The following DENND3 variants were observed in gnomAD, a reference collection of about 807,000 sequenced individuals.
DENND3 encodes DENN domain containing 3.
Under a neutral mutation model 135.1 loss-of-function variants are expected in DENND3, and 88 were observed. The observed-to-expected ratio is 0.65, with a 90% confidence interval of 0.55 to 0.78. The LOEUF (loss-of-function observed/expected upper bound fraction) is 0.78. DENND3 is among the 30% of genes least tolerant of loss of function. DENND3 has a pLI of 0.00. For synonymous variants in DENND3, 693 were observed against 712.3 expected, an observed-to-expected ratio of 0.97 and a Z score of 0.43; for missense variants, 1,392 against 1,688.4, an observed-to-expected ratio of 0.82 and a Z score of 3.08.
At chr8:141,160,588 C>T (rs1394470986) in intron 8 of DENND3, 44 bp from the exon 9 acceptor site, 2 of 1,545,836 alleles carry the variant, frequency 1.3e-6, no homozygotes, top group East Asian at 4.6e-5. Flanking sequence ...CGGCCGTGGC[C>T]AGTGCTGCTG....
chr8:141,190,538 C>T (rs1424502212), intron 20 of DENND3, 121 bp downstream of exon 20: 1 of 1,371,832 alleles, frequency 7.3e-7, no homozygotes, highest in Non-Finnish European at 9.5e-7. Flanking sequence ...TTATTTTAAA[C>T]TCGGGTTCCC....
intron 22 of DENND3, 152 bp from the exon 23 acceptor site, chr8:141,193,881 C>G (rs1217125750): frequency 2.5e-6 from 2 of 806,830 alleles, no homozygotes; most frequent in Non-Finnish European, 3.9e-6. Flanking sequence ...GTGCACCTGC[C>G]AGGCGGCCCT....
At chr8:141,188,036 A>ACATCAGCCAGGTGTGGTGG in intron 18 of DENND3, among the ~76,000 whole-genome samples, 1 of 144,308 alleles carries the variant, frequency 6.9e-6, no homozygotes, top group South Asian at 2.3e-4. Context: ...AAACTGCCAA[A>ACATCAGCCAGGTGTGGTGG]CATCAGCCAG....
At chr8:141,129,555 C>T (rs1271216034) in intron 1 of DENND3, 5 of 152,130 alleles carry the variant, frequency 3.3e-5, no homozygotes, top group Non-Finnish European at 1.5e-5. Context: ...AATTCTGTAA[C>T]GCTGGCTTTC....
At position 141,175,466 on chromosome 8, in the gene DENND3, A is replaced by T; in HGVS notation, c.2535+7A>T. 1 of 1,614,174 alleles carries T rather than the reference A, an allele frequency of 6.2e-7. No individual in the cohort carries two copies. The highest frequency in any genetic ancestry group is 8.5e-7 in the Non-Finnish European group (1 of 1,180,020). ...CACCTTCAGAAATATAGAGGTAAGG[A>T]CAGCACAGGCAGACGGCGCCAGACC... On this transcript the variant is annotated splice_region_variant and intron_variant, in intron 14 of 22. Coordinates refer to ENST00000519811, the MANE Select transcript of DENND3 (RefSeq NM_001352890.3). This position sits in a 1 kb window ranked among gnomAD's most constrained non-coding sequence, Gnocchi z 5.4.
chr8:141,192,107 T>G, intron 20 of DENND3: 2 of 485,482 alleles, frequency 4.1e-6, no homozygotes, highest in African/African-American at 1.9e-5. Flanking sequence ...AAACTGCCCA[T>G]ATATTTACGT....
chr8:141,159,071 C>A (rs920262272), intron 8 of DENND3, among the ~76,000 whole-genome samples: 3 of 152,232 alleles, frequency 2.0e-5, no homozygotes, highest in Non-Finnish European at 4.4e-5. Context: ...TGAGACCCAT[C>A]TAGGCAAGGG....
Position 141,141,460 on chromosome 8 carries a change from G to A in DENND3, c.623+136G>A. 1 of 1,094,722 alleles carries A rather than the reference G, an allele frequency of 9.1e-7. No homozygotes were observed. Among genetic ancestry groups the A allele is most frequent in the Non-Finnish European group, 1.3e-6 (1 of 766,888 alleles). The allele number at this position is 1,094,722 out of a possible 1,614,324, so 67.8% of individuals were successfully genotyped here. ...CTCTCCTGGTGAGCCGGGGGACCGGGCGCTGGGGGCAGTAGGAGGGGCAGT... is the reference window on the plus strand; with the variant it reads ...CTCTCCTGGTGAGCCGGGGGACCGGACGCTGGGGGCAGTAGGAGGGGCAGT... On this transcript the variant is annotated intron_variant, in intron 4 of 22. Transcript: ENST00000519811. This position sits in a 1 kb window ranked among gnomAD's most constrained non-coding sequence, Gnocchi z 5.3.
chr8:141,165,925 G>T (rs1820731986), intron 11 of DENND3, among the ~76,000 whole-genome samples: 1 of 151,618 alleles, frequency 6.6e-6, no homozygotes, highest in South Asian at 2.1e-4. Context: ...TCTCTTCCTT[G>T]CTCTCTTCCT....
intron 17 of DENND3, 104 bp downstream of exon 17, chr8:141,180,958 C>A: frequency 2.2e-6 from 2 of 901,652 alleles, no homozygotes; most frequent in Non-Finnish European, 1.7e-6. Flanking sequence ...GCCAGTGTCA[C>A]GGGATAAGTG....
rs758716467 is a variant in DENND3, at chr8:141,190,259, G to A, written c.3246-25G>A. On this transcript the variant is annotated intron_variant, in intron 19 of 22. Transcript: ENST00000519811. ...GTTTTCAGGGGCCCAAGTTAAAGGTGTGTGTGTGTGTTTTGTGCCCCCAGC... is the reference window on the plus strand; with the variant it reads ...GTTTTCAGGGGCCCAAGTTAAAGGTATGTGTGTGTGTTTTGTGCCCCCAGC... The A allele has an allele frequency of 1.1e-5, 17 of 1,561,876 alleles. 1 individual carries two copies. The South Asian group carries it at 1.1e-4, about 10-fold the overall frequency.
At position 141,130,521 on chromosome 8, in the gene DENND3, AAGT is replaced by A. The variant is rs1569554630; in HGVS notation, c.102+1716_102+1718del. Reference sequence around the variant, plus strand: ...GGGGTTTGGCAAAGGGTGGAGAGAAAAGTAGTGAAGGACTAAGAAAATAAGGAG... The same window carrying A: ...GGGGTTTGGCAAAGGGTGGAGAGAAAAGTGAAGGACTAAGAAAATAAGGAG... On this transcript the variant is annotated intron_variant, in intron 1 of 22. Transcript: ENST00000519811. This position sits in a 1 kb window ranked among gnomAD's most constrained non-coding sequence, Gnocchi z 4.2. Among the ~76,000 whole-genome samples, 1 of 152,152 alleles carries A rather than the reference AAGT, an allele frequency of 6.6e-6. No individual in the cohort carries two copies. The highest frequency in any genetic ancestry group is 1.5e-5 in the Non-Finnish European group (1 of 68,036).
chr8:141,160,635 G>A lies in DENND3; in HGVS notation c.1200G>A (p.Val400=), dbSNP rs754871411. 6.2e-7 allele frequency: 1 copy of A among 1,601,148 alleles called. No homozygotes were observed. The highest frequency in any genetic ancestry group is 8.5e-7 in the Non-Finnish European group (1 of 1,170,902). ...LLAAQTFIQR[V]QSLQLHHELH... ...GCTTCGGTCTGCCTCCTTCCAGGGT[G>A]CAGAGCCTCCAGCTCCACCATGAGC... is the stretch of plus-strand genomic sequence containing the variant. Residue 400 remains valine (V), a synonymous_variant, in exon 9 of 23, where the codon GTG becomes GTA. Coordinates refer to ENST00000519811, the MANE Select transcript of DENND3 (RefSeq NM_001352890.3).
chr8:141,153,369 C>T (rs943534345), intron 7 of DENND3, among the ~76,000 whole-genome samples: 3 of 152,214 alleles, frequency 2.0e-5, no homozygotes, highest in Non-Finnish European at 4.4e-5. Flanking sequence ...GCTGGGATTA[C>T]AGGCGTGAGC....
rs554297589 is a variant in DENND3 at position 141,151,053 on chromosome 8, A to G, written c.855+100A>G. On this transcript the variant is annotated intron_variant, in intron 6 of 22. Transcript: ENST00000519811. ...GATGAAGATGCGAGTTTATTCCACA[A>G]TGCACCGACTGGTATACTCGAAATG... 35 of 1,403,560 alleles carry G rather than the reference A, an allele frequency of 2.5e-5. No homozygotes were observed. The East Asian group carries it at 3.6e-4, about 15-fold the overall frequency. 86.9% of individuals were successfully genotyped at this position (1,403,560 alleles called of 1,614,324 possible).
intron 17 of DENND3, 179 bp from the exon 18 acceptor site, chr8:141,184,960 G>T: frequency 1.4e-6 from 1 of 703,914 alleles, no homozygotes; most frequent in South Asian, 2.6e-5. Context: ...TGCCCCCCTT[G>T]ACTCTGAGCT....
intron 9 of DENND3, among the ~76,000 whole-genome samples, chr8:141,162,027 A>G (rs1820202921): frequency 6.6e-6 from 1 of 151,532 alleles, no homozygotes; most frequent in African/African-American, 2.4e-5. Flanking sequence ...CTAGTCTCCA[A>G]CTCCTGACCT....
chr8:141,138,609 C>A lies in DENND3; in HGVS notation c.501+472C>A, dbSNP rs543211328. Among the ~76,000 whole-genome samples, 44 of 152,172 alleles carry A rather than the reference C, an allele frequency of 2.9e-4. No homozygotes were observed. Among genetic ancestry groups the A allele is most frequent in the Non-Finnish European group, 5.4e-4 (37 of 68,038 alleles). On this transcript the variant is annotated intron_variant, in intron 3 of 22. Coordinates refer to ENST00000519811, the MANE Select transcript of DENND3 (RefSeq NM_001352890.3). The surrounding 1 kb of genome is among the most constrained non-coding windows in gnomAD (Gnocchi z 4.8). The stretch of plus-strand genomic sequence containing the variant: ...CCATGTTGGCCGGGCTGGTTTCGAA[C>A]TCCTGACCTCAGGTGATCCACCCGC...
In DENND3 at chr8:141,167,871, G is replaced by A; in HGVS notation, c.1754-133G>A. On this transcript the variant is annotated intron_variant, in intron 12 of 22. Transcript: ENST00000519811. This position sits in a 1 kb window ranked among gnomAD's most constrained non-coding sequence, Gnocchi z 4.1. Reference sequence around the variant, plus strand: ...GGGGGGTGGGTGTGTGGAGCTTTCTGGAGGGAGCACACCCATTCTCATTTT... The same window carrying A: ...GGGGGGTGGGTGTGTGGAGCTTTCTAGAGGGAGCACACCCATTCTCATTTT... 7.6e-7 allele frequency: 1 copy of A among 1,307,562 alleles called. No individual in the cohort carries two copies. The highest frequency in any genetic ancestry group is 1.0e-6 in the Non-Finnish European group (1 of 955,998). 81.0% of individuals were successfully genotyped at this position (1,307,562 alleles called of 1,614,324 possible).
Sources: gnomAD v4.1 joint callset for allele counts (sites outside exome capture counted in the v4.1 genomes callset) on GRCh38, gnomAD v4.1.1 for gene constraint, Gnocchi (gnomAD v3.1) non-coding constraint, MANE v1.5 for transcripts, NCBI Gene and HGNC (gene_info 2026-07-23, HGNC 2026-07-21) for gene names.